Variants in CRADD observed in about 807,000 individuals in gnomAD.
CRADD encodes death domain-containing protein CRADD.
CRADD carries 9 observed loss-of-function variants against 15.5 expected under a neutral mutation model. That is an observed-to-expected ratio of 0.58 (90% CI 0.35 to 1.01). CRADD has a LOEUF of 1.01. CRADD is among the 50% of genes least tolerant of loss of function. CRADD has a pLI of 0.02. For synonymous variants in CRADD, 118 were observed against 107.6 expected, an observed-to-expected ratio of 1.10 and a Z score of -0.60; for missense variants, 227 against 250.3, an observed-to-expected ratio of 0.91 and a Z score of 0.63.
At chr12:93,743,113 T>C (rs898539892) in intron 2 of CRADD, among the ~76,000 whole-genome samples, 2 of 152,226 alleles carry the variant, frequency 1.3e-5, no homozygotes, top group African/African-American at 4.8e-5. Context: ...ATTTAATGAA[T>C]TAATGTGGCG....
intron 2 of CRADD, among the ~76,000 whole-genome samples, chr12:93,860,917 A>G (rs1958314622): frequency 6.6e-6 from 1 of 152,192 alleles, no homozygotes; most frequent in African/African-American, 2.4e-5. Context: ...TCTTGCTTCC[A>G]TGAGCACCTT....
intron 2 of CRADD, among the ~76,000 whole-genome samples, chr12:93,694,728 GA>G (rs1347186293): frequency 1.3e-5 from 2 of 151,954 alleles, no homozygotes. Context: ...GCTACCAAAA[GA>G]AAAATACTTA....
At chr12:93,873,166 G>A (rs1222170336) in intron 2 of CRADD, among the ~76,000 whole-genome samples, 1 of 151,802 alleles carries the variant, frequency 6.6e-6, no homozygotes, top group Non-Finnish European at 1.5e-5. Flanking sequence ...TTTTATGTGT[G>A]GATACTGTAA....
chr12:93,712,590 A>G (rs4761739), intron 2 of CRADD, among the ~76,000 whole-genome samples: 90,646 of 152,132 alleles, frequency 0.6, 28,188 homozygotes, highest in East Asian at 0.87. Flanking sequence ...TGGATTTTTG[A>G]TCCAGAAGCA....
chr12:93,746,449 C>T (rs2136934285), intron 2 of CRADD, among the ~76,000 whole-genome samples: 1 of 152,156 alleles, frequency 6.6e-6, no homozygotes, highest in East Asian at 1.9e-4. Context: ...GCCATTCTTT[C>T]CGGAAGTTGG....
chr12:93,805,097 C>A (rs1418217698), intron 2 of CRADD, among the ~76,000 whole-genome samples: 5 of 151,814 alleles, frequency 3.3e-5, no homozygotes, highest in African/African-American at 1.2e-4. Context: ...CACCACTTAT[C>A]TTTGTGTACT....
At chr12:93,716,566 T>C (rs1300579161) in intron 2 of CRADD, among the ~76,000 whole-genome samples, 1 of 152,244 alleles carries the variant, frequency 6.6e-6, no homozygotes, top group Non-Finnish European at 1.5e-5. Context: ...TAGAAACCAC[T>C]GATTGTTTTA....
chr12:93,698,582 G>C (rs925181502), intron 2 of CRADD, among the ~76,000 whole-genome samples: 5 of 152,054 alleles, frequency 3.3e-5, no homozygotes, highest in Non-Finnish European at 5.9e-5. Flanking sequence ...TGAGTATACT[G>C]TTTCAAAGTG....
At chr12:93,817,428 G>A (rs1290250443) in intron 2 of CRADD, among the ~76,000 whole-genome samples, 1 of 152,200 alleles carries the variant, frequency 6.6e-6, no homozygotes, top group Admixed American at 6.5e-5. Context: ...TGAGGTCGAT[G>A]CTGTCGTTAT....
At chr12:93,881,281 G>T (rs960050964) in intron 2 of CRADD, among the ~76,000 whole-genome samples, 5 of 152,068 alleles carry the variant, frequency 3.3e-5, no homozygotes, top group African/African-American at 1.2e-4. Flanking sequence ...AAAGGTTCAG[G>T]CAGCACTTTG....
intron 2 of CRADD, among the ~76,000 whole-genome samples, chr12:93,720,984 T>G (rs1310104854): frequency 6.6e-6 from 1 of 152,250 alleles, no homozygotes; most frequent in Non-Finnish European, 1.5e-5. Context: ...CCTTGTTTTT[T>G]GTTTCTATTT....
chr12:93,798,681 C>T (rs527896097), intron 2 of CRADD, among the ~76,000 whole-genome samples: 52 of 152,312 alleles, frequency 3.4e-4, no homozygotes, highest in Admixed American at 1.6e-3. Flanking sequence ...TCCTGAACAC[C>T]TGGAACTGCC....
At chr12:93,855,087 C>T (rs184387189), downstream of CRADD, among the ~76,000 whole-genome samples, 51 of 151,734 alleles carry the variant, frequency 3.4e-4, no homozygotes, top group African/African-American at 1.2e-3. Context: ...TTCAGCTACT[C>T]GGGAGGCTGA....
chr12:93,888,655 G>A (rs12820832), intron 2 of CRADD, among the ~76,000 whole-genome samples: 68,704 of 151,902 alleles, frequency 0.45, 16,612 homozygotes, highest in Non-Finnish European at 0.55. Context: ...GTGGGATGGG[G>A]AGGGCAAGAC....
intron 2 of CRADD, among the ~76,000 whole-genome samples, chr12:93,888,213 C>G (rs933791080): frequency 1.3e-5 from 2 of 152,086 alleles, no homozygotes; most frequent in African/African-American, 4.8e-5. Context: ...ATCACGAGGT[C>G]AGGAGATCGA....
chr12:93,838,812 T>C (rs1254458790), intron 2 of CRADD, among the ~76,000 whole-genome samples: 2 of 151,988 alleles, frequency 1.3e-5, no homozygotes, highest in Non-Finnish European at 2.9e-5. Flanking sequence ...TGAAGTTCGA[T>C]CAGTGACACA....
chr12:93,886,352 G>T (rs571627593), intron 2 of CRADD, among the ~76,000 whole-genome samples: 1 of 151,342 alleles, frequency 6.6e-6, no homozygotes, highest in East Asian at 1.9e-4. Flanking sequence ...GTAGAAATGG[G>T]GTTTTGCCAT....
intron 2 of CRADD, among the ~76,000 whole-genome samples, chr12:93,832,361 C>T (rs1166593415): frequency 1.3e-5 from 2 of 152,210 alleles, no homozygotes; most frequent in African/African-American, 4.8e-5. Flanking sequence ...TGCCAAGCCA[C>T]TCAACACAGC....
At position 93,824,469 on chromosome 12, in the gene CRADD, A is replaced by G. The variant is rs1310689292; in HGVS notation, c.299-25501A>G. Reference sequence around the variant, plus strand: ...CCAGGAAGCAGGCTAAAAGAATATTACATGGGGTTTTTGTGTTGTTTTGCT... The same window carrying G: ...CCAGGAAGCAGGCTAAAAGAATATTGCATGGGGTTTTTGTGTTGTTTTGCT... On this transcript the variant is annotated intron_variant, in intron 2 of 2. Transcript: ENST00000332896. The surrounding 1 kb of genome is among the most constrained non-coding windows in gnomAD (Gnocchi z 4.3). Among the ~76,000 whole-genome samples, 30 of 151,990 alleles carry G rather than the reference A, an allele frequency of 2.0e-4. No individual in the cohort carries two copies. The highest frequency in any genetic ancestry group is 1.5e-5 in the Non-Finnish European group (1 of 67,978).
Sources: allele counts gnomAD v4.1 joint callset (sites outside exome capture counted in the v4.1 genomes callset), GRCh38; gene constraint gnomAD v4.1.1; non-coding constraint Gnocchi (gnomAD v3.1); transcripts MANE v1.5; gene names NCBI Gene and HGNC (gene_info 2026-07-23, HGNC 2026-07-21).